The following DNM1L variants were observed in gnomAD, a reference collection of about 807,000 sequenced individuals.
DNM1L encodes the protein dynamin 1L.
A neutral mutation model predicts 92.8 loss-of-function variants in DNM1L; 33 were observed. The observed-to-expected ratio is 0.36, with a 90% CI of 0.27 to 0.48. The LOEUF is 0.48. Ranked by LOEUF, DNM1L falls within the 20% of genes least tolerant of loss-of-function variation. The pLI is 0.99. For missense variants in DNM1L, 485 were observed against 888.8 expected (o/e 0.55, Z 5.78); for synonymous variants, 284 against 305.0 (o/e 0.93, Z 0.72).
At chr12:32,689,828 A>G (rs1439422769) in intron 1 of DNM1L, among the ~76,000 whole-genome samples, 2 of 152,218 alleles carry the variant, frequency 1.3e-5, no homozygotes, top group East Asian at 3.8e-4. Flanking sequence ...TTTTCCATGA[A>G]AGGCCACATT....
chr12:32,686,937 CTTTT>C (rs71447614), intron 1 of DNM1L, among the ~76,000 whole-genome samples: 1 of 95,606 alleles, frequency 1.0e-5, no homozygotes, highest in Non-Finnish European at 2.1e-5. Flanking sequence ...TCTTTTTTTT[CTTTT>C]TTTTTTTTTT....
At chr12:32,718,282 C>T (rs542677026) in intron 6 of DNM1L, among the ~76,000 whole-genome samples, 157 of 151,306 alleles carry the variant, frequency 1.0e-3, no homozygotes, top group African/African-American at 3.6e-3. Context: ...GCTGGGATTA[C>T]AGGCGTCTGC....
At chr12:32,738,022 A>G in intron 15 of DNM1L, 80 bp downstream of exon 15, 1 of 1,448,608 alleles carries the variant, frequency 6.9e-7, no homozygotes. Flanking sequence ...TACACTGAAT[A>G]GAAGAATATT....
intron 9 of DNM1L, chr12:32,726,898 T>A (rs1316312590): frequency 1.5e-6 from 1 of 673,660 alleles, no homozygotes; most frequent in East Asian, 2.5e-5. Context: ...AAATATTTAC[T>A]GGGTTCAAAT....
chr12:32,691,157 T>C (rs1159915898), intron 1 of DNM1L, among the ~76,000 whole-genome samples: 1 of 152,218 alleles, frequency 6.6e-6, no homozygotes, highest in East Asian at 1.9e-4. Context: ...GGCTGCCTTC[T>C]TGCTGTGTCC....
rs535793293 is a variant in DNM1L at position 32,742,608 on chromosome 12, C to T, written c.2014C>T (p.His672Tyr). The T allele has an allele frequency of 6.2e-7, 1 of 1,614,040 alleles. No homozygotes were observed. The highest frequency in any genetic ancestry group is 8.5e-7 in the Non-Finnish European group (1 of 1,179,986). ...TTGCAGTGTGCCAAAGGCAGTAATG[C>T]ATTTTTTGGTTAATCATGTGAAAGA... is the stretch of plus-strand genomic sequence containing the variant. ...IQDSVPKAVM[H>Y]FLVNHVKDTL... is the part of the protein sequence containing the mutation. The change falls in exon 19 of 20, where the codon CAT (histidine) becomes TAT (tyrosine). Residue 672 changes from histidine (H) to tyrosine (Y), a missense_variant. Coordinates refer to ENST00000549701, the MANE Select transcript of DNM1L (RefSeq NM_012062.5).
chr12:32,740,276 G>C (rs1429446741), intron 17 of DNM1L, 36 bp downstream of exon 17: 1 of 1,614,004 alleles, frequency 6.2e-7, no homozygotes, highest in Non-Finnish European at 8.5e-7. Context: ...TAATAAGGTA[G>C]GTGACCAAGT....
At chr12:32,722,293 A>G in intron 8 of DNM1L, 134 bp from the exon 9 acceptor site, 1 of 758,946 alleles carries the variant, frequency 1.3e-6, no homozygotes, top group Non-Finnish European at 2.2e-6. Flanking sequence ...CAAAGACCAA[A>G]TATATATTTC....
At chr12:32,721,887 T>C (rs1953829227) in intron 8 of DNM1L, among the ~76,000 whole-genome samples, 1 of 152,194 alleles carries the variant, frequency 6.6e-6, no homozygotes, top group Admixed American at 6.5e-5. Flanking sequence ...CTACTTAGCA[T>C]ATACCCACTT....
rs1954581603 is a variant in DNM1L, at chr12:32,731,923, T to C, written c.1426T>C (p.Leu476=). 1.2e-6 allele frequency: 2 copies of C among 1,613,498 alleles called. No individual in the cohort carries two copies. Among genetic ancestry groups the C allele is most frequent in the African/African-American group, 1.3e-5 (1 of 75,040 alleles). Residue 476 remains leucine (L), a synonymous_variant, in exon 12 of 20, where the codon TTG becomes CTG. Transcript: ENST00000549701. This position sits in a 1 kb window ranked among gnomAD's most constrained non-coding sequence, Gnocchi z 5.1. ...EVVTCLLRKR[L]PVTNEMVHNL... ...GGTGACTTGTCTTCTTCGTAAAAGG[T>C]TGCCTGTTACAAATGAAATGGTGAG... is the stretch of plus-strand genomic sequence containing the variant.
chr12:32,713,438 A>T lies in DNM1L; in HGVS notation c.619+67A>T. 6 of 1,535,962 alleles carry T rather than the reference A, an allele frequency of 3.9e-6. No individual in the cohort carries two copies. In the South Asian group the frequency reaches 4.5e-5, roughly 12 times the overall value. ...TGGTAAATCTACCCTTGAGAAAGGA[A>T]TTTTTCTCTTTAAAAACAGTATCTC... On this transcript the variant is annotated intron_variant, in intron 6 of 19. Transcript: ENST00000549701.
intron 6 of DNM1L, among the ~76,000 whole-genome samples, chr12:32,716,649 A>G (rs1420064308): frequency 2.0e-5 from 3 of 151,258 alleles, no homozygotes; most frequent in Non-Finnish European, 4.4e-5. Context: ...TGAAATGCTT[A>G]CAAAATAGCC....
At chr12:32,692,325 A>G (rs1187733117) in intron 1 of DNM1L, among the ~76,000 whole-genome samples, 1 of 152,056 alleles carries the variant, frequency 6.6e-6, no homozygotes, top group African/African-American at 2.4e-5. Flanking sequence ...AATGTCTGGA[A>G]TTTGTTTGTT....
chr12:32,718,437 C>T (rs756780260), intron 6 of DNM1L, among the ~76,000 whole-genome samples: 19 of 151,666 alleles, frequency 1.3e-4, no homozygotes, highest in Middle Eastern at 6.8e-3. Flanking sequence ...CCACCGTGCC[C>T]GGCAAAAATG....
chr12:32,698,683 A>G (rs1416096969), intron 1 of DNM1L, among the ~76,000 whole-genome samples: 1 of 149,666 alleles, frequency 6.7e-6, no homozygotes, highest in Non-Finnish European at 1.5e-5. Context: ...TAGAGTACAG[A>G]ATATACTGTA....
At chr12:32,717,972 A>G (rs1370211477) in intron 6 of DNM1L, among the ~76,000 whole-genome samples, 4 of 101,378 alleles carry the variant, frequency 3.9e-5, no homozygotes, top group South Asian at 2.5e-4. Flanking sequence ...TATATATTAT[A>G]TATAGTATAT....
chr12:32,705,762 T>G (rs1952896516), intron 2 of DNM1L: 2 of 1,446,108 alleles, frequency 1.4e-6, no homozygotes, highest in East Asian at 4.6e-5. Flanking sequence ...GAATTTTTAA[T>G]AAGGTTTAAA....
At chr12:32,727,820 T>C (rs1292667046) in intron 9 of DNM1L, among the ~76,000 whole-genome samples, 1 of 152,216 alleles carries the variant, frequency 6.6e-6, no homozygotes, top group East Asian at 1.9e-4. Flanking sequence ...TATACACATA[T>C]AAGCTGTGAT....
chr12:32,745,180 A>C lies in DNM1L; in HGVS notation c.*1770A>C. The C allele has an allele frequency of 3.8e-6, 1 of 263,358 alleles. No homozygotes were observed. The highest frequency in any genetic ancestry group is 4.0e-5 in the South Asian group (1 of 25,266). 16.3% of individuals were successfully genotyped at this position (263,358 alleles called of 1,614,324 possible). On this transcript the variant is annotated 3_prime_UTR_variant, in exon 20 of 20. Coordinates refer to ENST00000549701, the MANE Select transcript of DNM1L (RefSeq NM_012062.5). ...TCCCAAAACGTTTGTTACCACACTT[A>C]AAAATCACTGCCATCATTAAGCATC...
Sources: gnomAD v4.1 joint callset for allele counts (sites outside exome capture counted in the v4.1 genomes callset) on GRCh38, gnomAD v4.1.1 for gene constraint, Gnocchi (gnomAD v3.1) non-coding constraint, MANE v1.5 for transcripts, NCBI Gene and HGNC (gene_info 2026-07-23, HGNC 2026-07-21) for gene names.